The following COG5 variants were observed in gnomAD, a reference collection of about 807,000 sequenced individuals.
COG5 encodes conserved oligomeric Golgi complex subunit 5.
COG5 carries 86 observed loss-of-function variants against 110.4 expected under a neutral mutation model. The ratio of observed to expected loss-of-function variants is 0.78; its 90% CI spans 0.65 to 0.93. The LOEUF (loss-of-function observed/expected upper bound fraction) is 0.93. COG5 is among the 40% of genes least tolerant of loss of function. The pLI is 0.00. For synonymous variants in COG5, 360 were observed against 334.6 expected (o/e 1.08, Z -0.83); for missense variants, 1,077 against 987.0 (o/e 1.09, Z -1.22).
chr7:107,549,638 G>A (rs12538254), intron 3 of COG5, among the ~76,000 whole-genome samples: 11,221 of 149,994 alleles, frequency 0.075, 570 homozygotes, highest in Non-Finnish European at 0.11. Context: ...TCCTGACCTC[G>A]TGATCCACCC....
chr7:107,439,568 T>C (rs557829570), intron 6 of COG5, among the ~76,000 whole-genome samples: 3 of 152,090 alleles, frequency 2.0e-5, no homozygotes, highest in African/African-American at 7.2e-5. Flanking sequence ...ATTGATCTTA[T>C]TTCCATAAAT....
chr7:107,337,896 A>G (rs767661211), intron 10 of COG5, among the ~76,000 whole-genome samples: 7 of 152,190 alleles, frequency 4.6e-5, no homozygotes, highest in African/African-American at 7.2e-5. Flanking sequence ...AGAAAATATC[A>G]TAAGTACCCC....
chr7:107,402,711 C>T (rs1026557533), intron 7 of COG5, among the ~76,000 whole-genome samples: 6 of 152,182 alleles, frequency 3.9e-5, no homozygotes, highest in African/African-American at 1.2e-4. Context: ...CCAGGAAGAG[C>T]TGCAGGTGGA....
At chr7:107,264,493 A>T (rs561063300) in intron 14 of COG5, among the ~76,000 whole-genome samples, 1 of 152,166 alleles carries the variant, frequency 6.6e-6, no homozygotes, top group South Asian at 2.1e-4. Context: ...GGAGTTTGAG[A>T]CCAGCCTGGG....
At chr7:107,271,866 G>T (rs1804302935) in intron 14 of COG5, among the ~76,000 whole-genome samples, 1 of 151,546 alleles carries the variant, frequency 6.6e-6, no homozygotes, top group South Asian at 2.1e-4. Context: ...CCCAATAAAA[G>T]TATTCAATGA....
intron 6 of COG5, among the ~76,000 whole-genome samples, chr7:107,417,845 T>G (rs867542638): frequency 3.3e-5 from 5 of 152,128 alleles, no homozygotes; most frequent in Non-Finnish European, 7.4e-5. Flanking sequence ...TTGCTCCCTT[T>G]TTGTCTTAAA....
chr7:107,530,601 C>CAAAAAAAAAAA (rs953588412), intron 5 of COG5, among the ~76,000 whole-genome samples: 1 of 47,768 alleles, frequency 2.1e-5, no homozygotes, highest in African/African-American at 8.0e-5. Flanking sequence ...AACTCCATCT[C>CAAAAAAAAAAA]AAAAAAAAAA....
chr7:107,533,964 T>A (rs1217145351), intron 5 of COG5, among the ~76,000 whole-genome samples: 6 of 151,570 alleles, frequency 4.0e-5, no homozygotes, highest in Admixed American at 2.0e-4. Context: ...TAACAGCAGA[T>A]CTCTCTGTAG....
At chr7:107,556,042 A>G (rs1475659904) in intron 2 of COG5, among the ~76,000 whole-genome samples, 1 of 151,922 alleles carries the variant, frequency 6.6e-6, no homozygotes, top group Non-Finnish European at 1.5e-5. Flanking sequence ...GGAGAGAGGA[A>G]AGCTTACTGT....
At chr7:107,288,919 T>A (rs772283995) in intron 12 of COG5, among the ~76,000 whole-genome samples, 1 of 13,320 alleles carries the variant, frequency 7.5e-5, no homozygotes, top group African/African-American at 4.3e-4. Context: ...TATATATATA[T>A]ATATATATAT....
chr7:107,297,414 C>A (rs1227156116), intron 12 of COG5, among the ~76,000 whole-genome samples: 1 of 147,208 alleles, frequency 6.8e-6, no homozygotes, highest in Non-Finnish European at 1.5e-5. Flanking sequence ...CAATCCCCTA[C>A]AAATACCCAA....
At chr7:107,359,735 C>T (rs1375286596) in intron 10 of COG5, among the ~76,000 whole-genome samples, 1 of 152,200 alleles carries the variant, frequency 6.6e-6, no homozygotes. Flanking sequence ...CACTCTGGGT[C>T]TCCTCTGTAC....
chr7:107,347,800 C>T (rs1169250963), intron 10 of COG5, among the ~76,000 whole-genome samples: 1 of 151,962 alleles, frequency 6.6e-6, no homozygotes, highest in Admixed American at 6.6e-5. Context: ...CTGGGTCAGT[C>T]CTCCAGTACA....
chr7:107,248,583 G>A lies in COG5; in HGVS notation c.1750-84C>T, dbSNP rs13234019. ...AGAAATTTGAGATGTGAGAAACACCGTGACTAACAGTTTTCATATTATATC... is the reference window on the plus strand; with the variant it reads ...AGAAATTTGAGATGTGAGAAACACCATGACTAACAGTTTTCATATTATATC... On this transcript the variant is annotated intron_variant, in intron 16 of 21. Coordinates refer to ENST00000297135, the MANE Select transcript of COG5 (RefSeq NM_006348.5). 3.6e-3 allele frequency: 3,074 copies of A among 862,668 alleles called. 12 individuals carry two copies. The highest frequency in any genetic ancestry group is 4.3e-3 in the Non-Finnish European group (2,283 of 530,020). The allele number at this position is 862,668 out of a possible 1,614,324, so 53.4% of individuals were successfully genotyped here.
intron 6 of COG5, among the ~76,000 whole-genome samples, chr7:107,445,937 T>A (rs557499119): frequency 3.3e-5 from 5 of 152,292 alleles, no homozygotes; most frequent in South Asian, 2.1e-4. Flanking sequence ...TGTGTAGGGA[T>A]ACACAGACTG....
chr7:107,392,816 C>G (rs1790719292), intron 7 of COG5, among the ~76,000 whole-genome samples: 1 of 152,114 alleles, frequency 6.6e-6, no homozygotes, highest in African/African-American at 2.4e-5. Flanking sequence ...TGCCACCAAT[C>G]TGCAGGTCAC....
intron 6 of COG5, among the ~76,000 whole-genome samples, chr7:107,506,562 T>C (rs1799023848): frequency 6.6e-6 from 1 of 151,870 alleles, no homozygotes; most frequent in African/African-American, 2.4e-5. Flanking sequence ...ATGTAGGGAG[T>C]GGGAAGTAAC....
At chr7:107,505,031 G>A (rs1322538358) in intron 6 of COG5, among the ~76,000 whole-genome samples, 2 of 152,128 alleles carry the variant, frequency 1.3e-5, no homozygotes. Context: ...TCTGCTGCTG[G>A]TTGTAGTAGC....
At chr7:107,542,108 A>C (rs1802083444) in intron 5 of COG5, among the ~76,000 whole-genome samples, 1 of 152,206 alleles carries the variant, frequency 6.6e-6, no homozygotes, top group Admixed American at 6.5e-5. Context: ...TCATAGCTTC[A>C]GGGTAGAGAA....
Sources: gnomAD v4.1 joint callset for allele counts (sites outside exome capture counted in the v4.1 genomes callset) on GRCh38, gnomAD v4.1.1 for gene constraint, MANE v1.5 for transcripts, NCBI Gene and HGNC (gene_info 2026-07-23, HGNC 2026-07-21) for gene names.